The following ATG2B variants were observed in gnomAD, a reference collection of about 807,000 sequenced individuals.
The protein encoded by ATG2B is autophagy-related protein 2 homolog B.
In ATG2B, 121 loss-of-function variants were observed where a neutral mutation model predicts 241.3. The ratio of observed to expected loss-of-function variants is 0.50; its 90% CI spans 0.43 to 0.58. The LOEUF is 0.58. ATG2B is among the 20% of genes least tolerant of loss of function. ATG2B has a pLI of 0.00. For missense variants in ATG2B, 2,306 were observed against 2,491.6 expected (o/e 0.93, Z 1.59); for synonymous variants, 858 against 876.6 (o/e 0.98, Z 0.37).
At chr14:96,350,334 CAG>C (rs1378573818) in intron 1 of ATG2B, among the ~76,000 whole-genome samples, 1 of 152,054 alleles carries the variant, frequency 6.6e-6, no homozygotes, top group African/African-American at 2.4e-5. Flanking sequence ...AAAAAGCAAA[CAG>C]AGACATAGAA....
intron 35 of ATG2B, 59 bp downstream of exon 35, chr14:96,295,423 A>G (rs1595294355): frequency 3.3e-6 from 4 of 1,205,014 alleles, no homozygotes; most frequent in Non-Finnish European, 4.7e-6. Flanking sequence ...AAAGCCTCAT[A>G]ACAATTAAAA....
Position 96,285,658 on chromosome 14 carries a change from G to T in ATG2B, c.*97C>A. ...AAAAATGCTTTTGTTCCTGAGATGA[G>T]CACAATAAAATTAAACGAGCTTCCT... On this transcript the variant is annotated 3_prime_UTR_variant, in exon 42 of 42. Transcript: ENST00000359933. The surrounding 1 kb of genome is among the most constrained non-coding windows in gnomAD (Gnocchi z 4.2). The T allele has an allele frequency of 8.7e-7, 1 of 1,149,012 alleles. No individual in the cohort carries two copies. The highest frequency in any genetic ancestry group is 1.3e-6 in the Non-Finnish European group (1 of 790,774). 71.2% of individuals were successfully genotyped at this position (1,149,012 alleles called of 1,614,324 possible).
chr14:96,349,652 TAGG>T (rs1467748626), intron 1 of ATG2B, among the ~76,000 whole-genome samples: 3 of 152,278 alleles, frequency 2.0e-5, no homozygotes, highest in Non-Finnish European at 4.4e-5. Context: ...GAATGACACT[TAGG>T]AGGCTGGCTT....
At position 96,342,781 on chromosome 14, in the gene ATG2B, T is replaced by C. The variant is rs184386244; in HGVS notation, c.744+338A>G. Among the ~76,000 whole-genome samples the C allele has an allele frequency of 6.0e-5, 9 of 151,064 alleles. No homozygotes were observed. The East Asian group carries it at 1.6e-3, about 26-fold the overall frequency. ...GTTTTGTATTTACACTTGGGTCTCA[T>C]CCCCAAGATACCTCATTATGTCTAT... is the stretch of plus-strand genomic sequence containing the variant. On this transcript the variant is annotated intron_variant, in intron 5 of 41. Transcript: ENST00000359933.
chr14:96,315,668 C>T, intron 21 of ATG2B, 85 bp from the exon 22 acceptor site: 1 of 955,770 alleles, frequency 1.0e-6, no homozygotes, highest in Non-Finnish European at 1.6e-6. Context: ...AAACAAAAAT[C>T]CACGTACTTC....
At chr14:96,329,393 C>A in intron 12 of ATG2B, 91 bp downstream of exon 12, 1 of 887,600 alleles carries the variant, frequency 1.1e-6, no homozygotes, top group Non-Finnish European at 1.6e-6. Context: ...GCTTTCTATA[C>A]ATTTTTAAAG....
At chr14:96,323,608 T>C (rs1887513284) in intron 16 of ATG2B, among the ~76,000 whole-genome samples, 1 of 152,222 alleles carries the variant, frequency 6.6e-6, no homozygotes, top group African/African-American at 2.4e-5. Context: ...TCTAAACTCA[T>C]GCTTATTACC....
chr14:96,340,209 T>TTGTGTGTG (rs199502512), intron 6 of ATG2B, among the ~76,000 whole-genome samples: 1 of 90,340 alleles, frequency 1.1e-5, no homozygotes, highest in Non-Finnish European at 2.9e-5. Flanking sequence ...ACACACATCT[T>TTGTGTGTG]TGTGTGTGTG....
rs1887023209 is a variant in ATG2B at position 96,308,241 on chromosome 14, T to TAAATACATAA, written c.4303+1211_4303+1212insTTATGTATTT. On this transcript the variant is annotated intron_variant, in intron 29 of 41. Coordinates refer to ENST00000359933, the MANE Select transcript of ATG2B (RefSeq NM_018036.7). ...ATAAATATATATATACATATATATA[T>TAAATACATAA]ATATATATATACACACATATATATA... 7.4e-4 allele frequency among the ~76,000 whole-genome samples: 11 copies of TAAATACATAA among 14,932 alleles called. 2 individuals carry two copies. The highest frequency in any genetic ancestry group is 4.6e-3 in the Admixed American group (6 of 1,296). The allele number at this position is 14,932 out of a possible 152,430, so 9.8% of individuals were successfully genotyped here.
At chr14:96,287,627 G>A (rs11160327) in intron 41 of ATG2B, among the ~76,000 whole-genome samples, 117,729 of 152,134 alleles carry the variant, frequency 0.77, 46,174 homozygotes, top group African/African-American at 0.9. Context: ...TCAAGAGCTT[G>A]ACAGAGTTTG....
chr14:96,324,425 C>T (rs1887538256), intron 15 of ATG2B, among the ~76,000 whole-genome samples: 1 of 152,152 alleles, frequency 6.6e-6, no homozygotes, highest in Non-Finnish European at 1.5e-5. Context: ...GTGACTCACA[C>T]CTGTAATCCC....
chr14:96,349,329 G>A (rs1457996691), intron 1 of ATG2B, among the ~76,000 whole-genome samples: 1 of 152,226 alleles, frequency 6.6e-6, no homozygotes, highest in Non-Finnish European at 1.5e-5. Context: ...AAGAGGAGTA[G>A]GATCCAAAGA....
intron 28 of ATG2B, among the ~76,000 whole-genome samples, chr14:96,310,198 A>G (rs1887112107): frequency 2.6e-5 from 4 of 152,232 alleles, no homozygotes; most frequent in Non-Finnish European, 2.9e-5. Context: ...ATAATTTAAA[A>G]TAAGAAGAAT....
rs560757929 is a variant in ATG2B at position 96,290,113 on chromosome 14, A to G, written c.5857-308T>C. 9 of 1,234,348 alleles carry G rather than the reference A, an allele frequency of 7.3e-6. No individual in the cohort carries two copies. The South Asian group carries it at 2.0e-4, about 28-fold the overall frequency. The allele number at this position is 1,234,348 out of a possible 1,614,324, so 76.5% of individuals were successfully genotyped here. A position where few individuals can be genotyped will look rare whatever the true frequency, so the allele number is the denominator to read the frequency against. On this transcript the variant is annotated intron_variant, in intron 40 of 41. Transcript: ENST00000359933. This position sits in a 1 kb window ranked among gnomAD's most constrained non-coding sequence, Gnocchi z 4.4. ...AATACTTACTAGAATGATCTTTAAT[A>G]CTTCTGTTTAATCTACAACGCCTTC...
rs1368846655 is a variant in ATG2B, at chr14:96,290,418, G to C, written c.5856+18C>G. 6.2e-7 allele frequency: 1 copy of C among 1,613,208 alleles called. No individual in the cohort carries two copies. The highest frequency in any genetic ancestry group is 8.5e-7 in the Non-Finnish European group (1 of 1,179,416). ...CAATGGCTCTTTTTGGATAGACTAAGGCAGTCTAAAAAGATACCTGTATGG... is the reference window on the plus strand; with the variant it reads ...CAATGGCTCTTTTTGGATAGACTAACGCAGTCTAAAAAGATACCTGTATGG... On this transcript the variant is annotated intron_variant, in intron 40 of 41. Coordinates refer to ENST00000359933, the MANE Select transcript of ATG2B (RefSeq NM_018036.7). The surrounding 1 kb of genome is among the most constrained non-coding windows in gnomAD (Gnocchi z 4.4).
rs374165548 is a variant in ATG2B at position 96,311,729 on chromosome 14, A to G, written c.3914-111T>C. On this transcript the variant is annotated intron_variant, in intron 26 of 41. Transcript: ENST00000359933. ...TTTAAAATTCATTGCAGAGAGCACT[A>G]CAAATAATTATAATGCAATGAAAAT... 1.5e-5 allele frequency: 10 copies of G among 664,022 alleles called. No homozygotes were observed. The Admixed American group carries it at 2.3e-4, about 15-fold the overall frequency. The allele number at this position is 664,022 out of a possible 1,614,324, so 41.1% of individuals were successfully genotyped here.
chr14:96,328,774 G>A lies in ATG2B; in HGVS notation c.1882-8C>T, dbSNP rs1319840056. 6.3e-7 allele frequency: 1 copy of A among 1,590,702 alleles called. No individual in the cohort carries two copies. Among genetic ancestry groups the A allele is most frequent in the Non-Finnish European group, 8.6e-7 (1 of 1,163,516 alleles). On this transcript the variant is annotated splice_region_variant and splice_polypyrimidine_tract_variant and intron_variant, in intron 12 of 41. Transcript: ENST00000359933. ...GGAATGGAACGTTAAAAGCTTAAAA[G>A]TAAAGATGAAGATAAATTAAATGTA...
At chr14:96,320,397 T>C (rs1273818542) in intron 18 of ATG2B, among the ~76,000 whole-genome samples, 1 of 152,132 alleles carries the variant, frequency 6.6e-6, no homozygotes, top group African/African-American at 2.4e-5. Context: ...ATTCTCCTCT[T>C]ACATATCTCT....
At chr14:96,324,578 G>T (rs9972136) in intron 15 of ATG2B, among the ~76,000 whole-genome samples, 19 of 152,022 alleles carry the variant, frequency 1.2e-4, no homozygotes, top group Non-Finnish European at 2.2e-4. Context: ...CACGAGAATC[G>T]CTTGAAGCCA....
Sources: gnomAD v4.1 joint callset for allele counts (sites outside exome capture counted in the v4.1 genomes callset) on GRCh38, gnomAD v4.1.1 for gene constraint, Gnocchi (gnomAD v3.1) non-coding constraint, MANE v1.5 for transcripts, NCBI Gene and HGNC (gene_info 2026-07-23, HGNC 2026-07-21) for gene names.